LEKR1: variants seen among roughly 807,000 people sequenced by gnomAD.
LEKR1 encodes protein LEKR1.
A neutral mutation model predicts 72.4 loss-of-function variants in LEKR1; 59 were observed. The ratio of observed to expected loss-of-function variants is 0.82; its 90% CI spans 0.66 to 1.01. The LOEUF (loss-of-function observed/expected upper bound fraction) is 1.01, where lower values mean the gene tolerates loss of function less well. Among genes scored for constraint, LEKR1 ranks in the 50% least tolerant of loss-of-function variants. The pLI, the probability that LEKR1 is intolerant of heterozygous loss-of-function variation, is 0.00. For synonymous variants in LEKR1, 257 were observed against 263.2 expected (o/e 0.98, Z 0.23); for missense variants, 728 against 759.2 (o/e 0.96, Z 0.48).
At chr3:156,835,632 G>A (rs1313225025) in intron 2 of LEKR1, among the ~76,000 whole-genome samples, 1 of 152,064 alleles carries the variant, frequency 6.6e-6, no homozygotes, top group African/African-American at 2.4e-5. Context: ...CCAAGAACAT[G>A]GTTTTCTTAT....
intron 12 of LEKR1, among the ~76,000 whole-genome samples, chr3:157,038,343 G>A (rs551312558): frequency 2.3e-4 from 35 of 152,314 alleles, no homozygotes; most frequent in African/African-American, 7.7e-4. Flanking sequence ...AATACAATTG[G>A]GGAGGAATAT....
intron 2 of LEKR1, among the ~76,000 whole-genome samples, chr3:156,839,089 G>A (rs1271112197): frequency 3.3e-5 from 5 of 152,294 alleles, no homozygotes; most frequent in African/African-American, 9.6e-5. Flanking sequence ...AAGGAAGGAA[G>A]GGATAGGCCA....
intron 4 of LEKR1, among the ~76,000 whole-genome samples, chr3:156,927,056 T>C (rs1162321673): frequency 6.6e-6 from 1 of 151,988 alleles, no homozygotes; most frequent in African/African-American, 2.4e-5. Flanking sequence ...GGACAAATGC[T>C]GTATAAGACT....
chr3:156,976,670 A>G (rs1160487241), intron 6 of LEKR1, among the ~76,000 whole-genome samples: 1 of 152,174 alleles, frequency 6.6e-6, no homozygotes, highest in Non-Finnish European at 1.5e-5. Flanking sequence ...ACAGATTTGT[A>G]GCCACACTTA....
chr3:156,994,657 TA>T (rs1361193813), intron 9 of LEKR1, among the ~76,000 whole-genome samples: 2 of 152,170 alleles, frequency 1.3e-5, no homozygotes, highest in Non-Finnish European at 2.9e-5. Flanking sequence ...TAAGCAGAGA[TA>T]AAACCTATAT....
chr3:156,907,304 A>G (rs1722621730), intron 3 of LEKR1, among the ~76,000 whole-genome samples: 1 of 152,058 alleles, frequency 6.6e-6, no homozygotes, highest in South Asian at 2.1e-4. Flanking sequence ...TCGTGAATAT[A>G]TATGGTTTCA....
At chr3:156,933,596 T>G (rs1725443733) in intron 5 of LEKR1, among the ~76,000 whole-genome samples, 1 of 152,214 alleles carries the variant, frequency 6.6e-6, no homozygotes, top group Non-Finnish European at 1.5e-5. Context: ...TATAGAATAT[T>G]TACCTCATAA....
At chr3:156,877,941 C>G (rs1718807598) in intron 3 of LEKR1, among the ~76,000 whole-genome samples, 1 of 152,022 alleles carries the variant, frequency 6.6e-6, no homozygotes, top group South Asian at 2.1e-4. Flanking sequence ...CACCACCACG[C>G]CCGGCTAATT....
intron 12 of LEKR1, among the ~76,000 whole-genome samples, chr3:157,036,655 G>A (rs1278676048): frequency 1.3e-5 from 2 of 152,186 alleles, no homozygotes; most frequent in South Asian, 4.1e-4. Context: ...CAACACAGGA[G>A]AGGGATGGAG....
chr3:156,919,852 T>C lies in LEKR1; in HGVS notation c.264-723T>C, dbSNP rs890255232. On this transcript the variant is annotated intron_variant, in intron 3 of 12. Coordinates refer to ENST00000356539, the MANE Select transcript of LEKR1 (RefSeq NM_001004316.3). ...TTTTTCCTCATGTAAATTTTACTTT[T>C]CATGTTTATATACTTACAGTTTTAA... is the stretch of plus-strand genomic sequence containing the variant. Among the ~76,000 whole-genome samples the C allele has an allele frequency of 2.0e-5, 3 of 152,202 alleles. No individual in the cohort carries two copies. In the South Asian group the frequency reaches 6.2e-4, roughly 32 times the overall value.
chr3:156,899,076 G>A (rs893216525), intron 3 of LEKR1, among the ~76,000 whole-genome samples: 1 of 151,906 alleles, frequency 6.6e-6, no homozygotes, highest in Non-Finnish European at 1.5e-5. Flanking sequence ...TGCTGTCAGT[G>A]GGGTAGACAT....
intron 11 of LEKR1, among the ~76,000 whole-genome samples, chr3:157,027,171 A>G (rs1252419645): frequency 6.6e-6 from 1 of 151,950 alleles, no homozygotes; most frequent in Non-Finnish European, 1.5e-5. Context: ...GAAATTACAT[A>G]CAAATCTTGC....
At chr3:156,981,801 C>T (rs1385776156) in intron 7 of LEKR1, among the ~76,000 whole-genome samples, 2 of 152,286 alleles carry the variant, frequency 1.3e-5, no homozygotes, top group South Asian at 4.1e-4. Flanking sequence ...ACAGTTCATT[C>T]AAAAAATTTG....
At chr3:156,878,187 G>A (rs1169025762) in intron 3 of LEKR1, among the ~76,000 whole-genome samples, 2 of 151,370 alleles carry the variant, frequency 1.3e-5, no homozygotes, top group Admixed American at 6.6e-5. Flanking sequence ...GTTTGTTCCT[G>A]TTTCTCTAGC....
intron 6 of LEKR1, among the ~76,000 whole-genome samples, chr3:156,969,039 T>C (rs1029276131): frequency 1.1e-4 from 16 of 151,978 alleles, no homozygotes; most frequent in Non-Finnish European, 1.6e-4. Flanking sequence ...GGGTACATAA[T>C]GAAATGAAGG....
chr3:156,837,113 TAATC>T (rs1713251133), intron 2 of LEKR1, among the ~76,000 whole-genome samples: 1 of 152,278 alleles, frequency 6.6e-6, no homozygotes, highest in Non-Finnish European at 1.5e-5. Context: ...AGTAGTGACT[TAATC>T]TGAGTCTTTT....
At chr3:156,964,946 T>C (rs1199379764) in intron 6 of LEKR1, among the ~76,000 whole-genome samples, 1 of 152,178 alleles carries the variant, frequency 6.6e-6, no homozygotes, top group Non-Finnish European at 1.5e-5. Flanking sequence ...TCAGCTAATA[T>C]TCTGTTCATT....
intron 3 of LEKR1, among the ~76,000 whole-genome samples, chr3:156,888,760 T>C (rs1255119009): frequency 6.6e-6 from 1 of 152,220 alleles, no homozygotes; most frequent in East Asian, 1.9e-4. Flanking sequence ...TCAGACTTTG[T>C]CCAGTGTTCT....
intron 10 of LEKR1, among the ~76,000 whole-genome samples, chr3:157,019,479 A>G (rs921091399): frequency 6.6e-6 from 1 of 152,212 alleles, no homozygotes; most frequent in Non-Finnish European, 1.5e-5. Flanking sequence ...GAGGATATAG[A>G]TAAATAAAAA....
Sources: allele counts gnomAD v4.1 joint callset (sites outside exome capture counted in the v4.1 genomes callset), GRCh38; gene constraint gnomAD v4.1.1; transcripts MANE v1.5; gene names NCBI Gene and HGNC (gene_info 2026-07-23, HGNC 2026-07-21).